The following RBFOX1 variants were observed in gnomAD, a reference collection of about 807,000 sequenced individuals.
RBFOX1 encodes the protein RNA binding protein fox-1 homolog 1.
A neutral mutation model predicts 57.7 loss-of-function variants in RBFOX1; 8 were observed. That is an observed-to-expected ratio of 0.14 (90% CI 0.08 to 0.25). The LOEUF (loss-of-function observed/expected upper bound fraction) is 0.25, where lower values mean the gene tolerates loss of function less well. RBFOX1 is among the 10% of genes least tolerant of loss of function. RBFOX1 has a pLI of 1.00. For synonymous variants in RBFOX1, 326 were observed against 222.4 expected (o/e 1.47, Z -4.15); for missense variants, 611 against 548.5 (o/e 1.11, Z -1.14).
chr16:6,180,476 C>G (rs558819325), intron 1 of RBFOX1, among the ~76,000 whole-genome samples: 95 of 148,630 alleles, frequency 6.4e-4, no homozygotes, highest in African/African-American at 2.2e-3. Context: ...AATGTCCCCT[C>G]TTTAATTTCT....
At chr16:6,291,207 C>T (rs1420053941) in intron 1 of RBFOX1, among the ~76,000 whole-genome samples, 1 of 152,112 alleles carries the variant, frequency 6.6e-6, no homozygotes, top group Non-Finnish European at 1.5e-5. Flanking sequence ...GTATTTTGTG[C>T]CAACCTCTTA....
Position 6,358,294 on chromosome 16 carries a change from C to T in RBFOX1, c.-64+41237C>T, listed in dbSNP as rs75665446. Reference sequence around the variant, plus strand: ...CATGTAATTTTCCAGTACATGTTACCCCTCCTCCAAAATCAATTATGTATA... The same window carrying T: ...CATGTAATTTTCCAGTACATGTTACTCCTCCTCCAAAATCAATTATGTATA... On this transcript the variant is annotated intron_variant, in intron 2 of 15. Coordinates refer to ENST00000550418, the MANE Select transcript of RBFOX1 (RefSeq NM_018723.4). Among the ~76,000 whole-genome samples, 221 of 152,212 alleles carry T rather than the reference C, an allele frequency of 1.5e-3. 2 individuals carry two copies. The East Asian group carries it at 0.021, about 15-fold the overall frequency.
At chr16:7,331,104 C>G (rs1220493855) in intron 4 of RBFOX1, among the ~76,000 whole-genome samples, 4 of 152,088 alleles carry the variant, frequency 2.6e-5, no homozygotes, top group Admixed American at 6.6e-5. Flanking sequence ...GAATTCTCTG[C>G]CAAACCCTGT....
chr16:6,961,376 T>C (rs1392808720), intron 3 of RBFOX1, among the ~76,000 whole-genome samples: 1 of 152,070 alleles, frequency 6.6e-6, no homozygotes, highest in African/African-American at 2.4e-5. Flanking sequence ...TGTAGTAATT[T>C]CCCAGCGCTG....
intron 4 of RBFOX1, among the ~76,000 whole-genome samples, chr16:7,503,241 C>G (rs572724107): frequency 6.6e-6 from 1 of 152,242 alleles, no homozygotes; most frequent in South Asian, 2.1e-4. Context: ...TGGTGACATT[C>G]TTAGTGGGAT....
At chr16:6,740,188 G>A (rs1052349572) in intron 3 of RBFOX1, among the ~76,000 whole-genome samples, 2 of 152,118 alleles carry the variant, frequency 1.3e-5, no homozygotes, top group African/African-American at 4.8e-5. Context: ...ATTAGCTGAT[G>A]CAGGAAAACA....
chr16:5,915,159 C>T (rs1347723582), intron 4 of RBFOX1, among the ~76,000 whole-genome samples: 4 of 152,320 alleles, frequency 2.6e-5, no homozygotes, highest in African/African-American at 9.6e-5. Flanking sequence ...CCCTTTGTCT[C>T]TTCTAGGTAT....
chr16:7,052,259 C>G (rs2050340931), intron 4 of RBFOX1, among the ~76,000 whole-genome samples, 161 bp downstream of exon 4: 1 of 152,158 alleles, frequency 6.6e-6, no homozygotes, highest in African/African-American at 2.4e-5. Flanking sequence ...ATTGATTGAG[C>G]TGTTAAATAC....
At chr16:6,230,261 A>T (rs1567727933) in intron 1 of RBFOX1, among the ~76,000 whole-genome samples, 1 of 152,172 alleles carries the variant, frequency 6.6e-6, no homozygotes, top group Admixed American at 6.5e-5. Flanking sequence ...ACCAATCTCG[A>T]TTGGACACTT....
Position 6,852,930 on chromosome 16 carries a change from A to G in RBFOX1, c.-16+198280A>G, listed in dbSNP as rs113541529. Among the ~76,000 whole-genome samples the G allele has an allele frequency of 1.7e-4, 26 of 152,280 alleles. 1 individual carries two copies. The highest frequency in any genetic ancestry group is 2.6e-4 in the African/African-American group (11 of 41,554). On this transcript the variant is annotated intron_variant, in intron 3 of 15. Coordinates refer to ENST00000550418, the MANE Select transcript of RBFOX1 (RefSeq NM_018723.4). Reference sequence around the variant, plus strand: ...CATGCTGGGAACTAGCTGTCCATGCAAGGAGGATGCTGGGACTGTGTTGAT... The same window carrying G: ...CATGCTGGGAACTAGCTGTCCATGCGAGGAGGATGCTGGGACTGTGTTGAT...
intron 1 of RBFOX1, among the ~76,000 whole-genome samples, chr16:5,277,593 C>G (rs188288297): frequency 6.6e-5 from 10 of 152,146 alleles, no homozygotes; most frequent in African/African-American, 2.2e-4. Context: ...TGGTAACTAT[C>G]ATTCTACTCT....
At chr16:5,934,335 A>G (rs1270830323) in intron 4 of RBFOX1, among the ~76,000 whole-genome samples, 1 of 152,204 alleles carries the variant, frequency 6.6e-6, no homozygotes. Context: ...TGTGTTTATT[A>G]TATCTATTGT....
rs192948027 is a variant in RBFOX1, at chr16:6,498,679, G to A, written c.-63-155924G>A. 2.2e-4 allele frequency among the ~76,000 whole-genome samples: 33 copies of A among 152,308 alleles called. No homozygotes were observed. In the East Asian group the frequency reaches 4.8e-3, roughly 22 times the overall value. ...ACTTCGATAAGGGTTTCTAAAGAATGTGTGATCACATTGGATTGTCCCAGA... is the reference window on the plus strand; with the variant it reads ...ACTTCGATAAGGGTTTCTAAAGAATATGTGATCACATTGGATTGTCCCAGA... On this transcript the variant is annotated intron_variant, in intron 2 of 15. Coordinates refer to ENST00000550418, the MANE Select transcript of RBFOX1 (RefSeq NM_018723.4).
At chr16:6,890,143 T>A (rs12149133) in intron 3 of RBFOX1, among the ~76,000 whole-genome samples, 1 of 152,196 alleles carries the variant, frequency 6.6e-6, no homozygotes, top group Admixed American at 6.5e-5. Context: ...GGTGAAAATG[T>A]GAAAGCCTAA....
At chr16:5,372,053 T>C (rs2065871500) in intron 1 of RBFOX1, among the ~76,000 whole-genome samples, 1 of 152,220 alleles carries the variant, frequency 6.6e-6, no homozygotes, top group Admixed American at 6.5e-5. Flanking sequence ...GCAAAAGGAC[T>C]GGAGATGTCC....
intron 3 of RBFOX1, among the ~76,000 whole-genome samples, chr16:6,939,498 T>C (rs2077963837): frequency 1.1e-5 from 1 of 95,070 alleles, no homozygotes; most frequent in Non-Finnish European, 1.9e-5. Flanking sequence ...GTTTCAGAAT[T>C]TTTCTTTCTT....
intron 2 of RBFOX1, among the ~76,000 whole-genome samples, chr16:6,346,107 T>A (rs2085328012): frequency 6.6e-6 from 1 of 152,182 alleles, no homozygotes. Flanking sequence ...GGGAGGCAGG[T>A]TGGCCCTAAG....
At chr16:7,068,645 G>C (rs946509530) in intron 4 of RBFOX1, among the ~76,000 whole-genome samples, 1 of 152,078 alleles carries the variant, frequency 6.6e-6, no homozygotes, top group Non-Finnish European at 1.5e-5. Context: ...GGAGTGCAAT[G>C]GTGCAATCTC....
chr16:5,937,230 C>T (rs929986246), intron 4 of RBFOX1, among the ~76,000 whole-genome samples: 2 of 152,168 alleles, frequency 1.3e-5, no homozygotes, highest in Admixed American at 6.6e-5. Context: ...AGAGATTGTG[C>T]AGCTTTTCCT....
Sources: allele counts gnomAD v4.1 joint callset (sites outside exome capture counted in the v4.1 genomes callset), GRCh38; gene constraint gnomAD v4.1.1; transcripts MANE v1.5; gene names NCBI Gene and HGNC (gene_info 2026-07-23, HGNC 2026-07-21).